L3MBTL4: variants seen among roughly 807,000 people sequenced by gnomAD.
L3MBTL4 encodes L3MBTL histone methyl-lysine binding protein 4, also known as lethal(3)malignant brain tumor-like protein 4.
A neutral mutation model predicts 84.5 loss-of-function variants in L3MBTL4; 70 were observed. That is an observed-to-expected ratio of 0.83 (90% confidence interval 0.68 to 1.01). The LOEUF is 1.01. Among genes scored for constraint, L3MBTL4 ranks in the 50% least tolerant of loss-of-function variants. The pLI, the probability that L3MBTL4 is intolerant of heterozygous loss-of-function variation, is 0.00. For missense variants in L3MBTL4, 715 were observed against 754.8 expected, an observed-to-expected ratio of 0.95 and a Z score of 0.62; for synonymous variants, 274 against 259.8, an observed-to-expected ratio of 1.05 and a Z score of -0.52.
At chr18:6,344,946 A>T (rs1334358393) in intron 1 of L3MBTL4, among the ~76,000 whole-genome samples, 1 of 152,176 alleles carries the variant, frequency 6.6e-6, no homozygotes, top group Non-Finnish European at 1.5e-5. Flanking sequence ...CAAAATAAAG[A>T]TGCCCACTCT....
At chr18:6,093,670 T>C in intron 14 of L3MBTL4, 142 bp from the exon 15 acceptor site, 1 of 628,398 alleles carries the variant, frequency 1.6e-6, no homozygotes, top group South Asian at 4.2e-5. Context: ...CAAATAATAG[T>C]TTCTTTTCAT....
At chr18:6,386,163 A>T (rs1599865050) in intron 1 of L3MBTL4, among the ~76,000 whole-genome samples, 1 of 152,224 alleles carries the variant, frequency 6.6e-6, no homozygotes, top group East Asian at 1.9e-4. Context: ...CAACTAGGAG[A>T]TTGGAGGTTT....
chr18:6,332,398 G>A (rs1016969848), intron 1 of L3MBTL4, among the ~76,000 whole-genome samples: 12 of 152,270 alleles, frequency 7.9e-5, no homozygotes, highest in Admixed American at 6.5e-4. Flanking sequence ...TCTTTGTCCA[G>A]CTACCTGATT....
At chr18:6,342,635 A>G (rs994655556) in intron 1 of L3MBTL4, among the ~76,000 whole-genome samples, 1 of 152,172 alleles carries the variant, frequency 6.6e-6, no homozygotes, top group Non-Finnish European at 1.5e-5. Flanking sequence ...AAAATCATCA[A>G]TGAAAGGAAA....
At chr18:6,387,682 T>C (rs1314226448) in intron 1 of L3MBTL4, among the ~76,000 whole-genome samples, 2 of 152,180 alleles carry the variant, frequency 1.3e-5, no homozygotes, top group South Asian at 2.1e-4. Flanking sequence ...GAAAATAAAA[T>C]TTAATTGTTA....
chr18:5,964,449 C>T (rs780005065), intron 17 of L3MBTL4, among the ~76,000 whole-genome samples: 1 of 152,160 alleles, frequency 6.6e-6, no homozygotes, highest in Non-Finnish European at 1.5e-5. Context: ...ACTGGCTAAT[C>T]GTCCACTGGG....
intron 15 of L3MBTL4, among the ~76,000 whole-genome samples, chr18:6,087,541 G>A (rs1030099252): frequency 6.6e-6 from 1 of 152,084 alleles, no homozygotes; most frequent in Non-Finnish European, 1.5e-5. Flanking sequence ...AAGGCCTTGG[G>A]ATTTCCTGTC....
intron 1 of L3MBTL4, among the ~76,000 whole-genome samples, chr18:6,390,070 T>C (rs767003593): frequency 1.3e-5 from 2 of 152,164 alleles, no homozygotes; most frequent in African/African-American, 4.8e-5. Context: ...TTTCAATATA[T>C]TTTTAAAAAC....
chr18:6,292,361 T>C (rs2049904757), intron 4 of L3MBTL4, among the ~76,000 whole-genome samples: 1 of 152,204 alleles, frequency 6.6e-6, no homozygotes, highest in Non-Finnish European at 1.5e-5. Context: ...ATTGTTCTCA[T>C]TTCCTGTCTA....
intron 16 of L3MBTL4, among the ~76,000 whole-genome samples, chr18:6,052,612 T>C (rs769076809): frequency 3.9e-5 from 6 of 152,232 alleles, no homozygotes; most frequent in Non-Finnish European, 8.8e-5. Flanking sequence ...TCAAATATCC[T>C]TGTTTGCCCT....
intron 16 of L3MBTL4, among the ~76,000 whole-genome samples, chr18:6,018,129 C>T (rs1448926321): frequency 6.6e-6 from 1 of 152,106 alleles, no homozygotes; most frequent in Admixed American, 6.5e-5. Flanking sequence ...AGAGGAGACT[C>T]ACGGTAGAGG....
Position 5,959,671 on chromosome 18 carries a change from G to C in L3MBTL4, c.1677+423C>G, listed in dbSNP as rs567590281. Among the ~76,000 whole-genome samples, 4 of 152,150 alleles carry C rather than the reference G, an allele frequency of 2.6e-5. No homozygotes were observed. The South Asian group carries it at 6.2e-4, about 24-fold the overall frequency. Reference sequence around the variant, plus strand: ...CAATCTTTCCCAGGTGCAATCCCAAGGGAGGATTCCTGCCTTCCCGCAAAT... The same window carrying C: ...CAATCTTTCCCAGGTGCAATCCCAACGGAGGATTCCTGCCTTCCCGCAAAT... On this transcript the variant is annotated intron_variant, in intron 18 of 18. Coordinates refer to ENST00000317931, the MANE Select transcript of L3MBTL4 (RefSeq NM_001330559.2).
At chr18:6,246,633 G>A (rs1325365921) in intron 5 of L3MBTL4, among the ~76,000 whole-genome samples, 1 of 152,174 alleles carries the variant, frequency 6.6e-6, no homozygotes, top group Non-Finnish European at 1.5e-5. Context: ...GGCTGGGCAC[G>A]TGGCTCATGC....
At chr18:6,401,012 C>A (rs2055489442) in intron 1 of L3MBTL4, among the ~76,000 whole-genome samples, 1 of 152,164 alleles carries the variant, frequency 6.6e-6, no homozygotes, top group Non-Finnish European at 1.5e-5. Context: ...TCCTAAGCTA[C>A]CTGATGCTGC....
At chr18:5,998,498 G>A (rs995017931) in intron 16 of L3MBTL4, among the ~76,000 whole-genome samples, 3 of 152,116 alleles carry the variant, frequency 2.0e-5, no homozygotes, top group Middle Eastern at 3.2e-3. Context: ...GGCTGAGGGT[G>A]GGCCTGGGGG....
intron 4 of L3MBTL4, among the ~76,000 whole-genome samples, chr18:6,290,161 C>T (rs147220600): frequency 1.1e-3 from 163 of 152,252 alleles, no homozygotes; most frequent in African/African-American, 3.8e-3. Flanking sequence ...AACGATCCTA[C>T]CACCTGGATC....
intron 13 of L3MBTL4, among the ~76,000 whole-genome samples, chr18:6,153,657 T>C (rs2042983045): frequency 6.6e-6 from 1 of 152,178 alleles, no homozygotes; most frequent in Non-Finnish European, 1.5e-5. Flanking sequence ...TCATCTCAAA[T>C]TGCAATCCCC....
chr18:6,220,331 C>G lies in L3MBTL4; in HGVS notation c.785-4496G>C, dbSNP rs1207330247. Among the ~76,000 whole-genome samples, 20 of 152,218 alleles carry G rather than the reference C, an allele frequency of 1.3e-4. 1 individual carries two copies. Among genetic ancestry groups the G allele is most frequent in the Admixed American group, 1.3e-3 (20 of 15,284 alleles). On this transcript the variant is annotated intron_variant, in intron 10 of 18. Transcript: ENST00000317931. ...CCCCACTACCGCTCTGACCTCATCT[C>G]CTGTTCACTACACTCCTGCTGTAAC...
chr18:6,131,794 T>C (rs2059886258), intron 14 of L3MBTL4, among the ~76,000 whole-genome samples: 3 of 152,162 alleles, frequency 2.0e-5, no homozygotes, highest in Non-Finnish European at 4.4e-5. Flanking sequence ...CTATCCAAGG[T>C]TGGTACTGAA....
Sources: gnomAD v4.1 joint callset for allele counts (sites outside exome capture counted in the v4.1 genomes callset) on GRCh38, gnomAD v4.1.1 for gene constraint, MANE v1.5 for transcripts, NCBI Gene and HGNC (gene_info 2026-07-23, HGNC 2026-07-21) for gene names.